The following LRP2 variants were observed in gnomAD, a reference collection of about 807,000 sequenced individuals.
LRP2 encodes LDL receptor related protein 2, also known as low-density lipoprotein receptor-related protein 2.
A neutral mutation model predicts 531.0 loss-of-function variants in LRP2; 172 were observed. The ratio of observed to expected loss-of-function variants is 0.32; its 90% CI spans 0.29 to 0.37. The LOEUF (loss-of-function observed/expected upper bound fraction) is 0.37, where lower values mean the gene tolerates loss of function less well. Among genes scored for constraint, LRP2 ranks in the 10% least tolerant of loss-of-function variants. The pLI, the probability that LRP2 is intolerant of heterozygous loss-of-function variation, is 1.00. For missense variants in LRP2, 5,167 were observed against 5,868.3 expected, an observed-to-expected ratio of 0.88 and a Z score of 3.90; for synonymous variants, 1,992 against 2,027.6, an observed-to-expected ratio of 0.98 and a Z score of 0.47.
At chr2:169,281,675 G>A (rs570833164) in intron 10 of LRP2, among the ~76,000 whole-genome samples, 2 of 151,972 alleles carry the variant, frequency 1.3e-5, no homozygotes, top group South Asian at 2.1e-4. Context: ...CCAAGATGGC[G>A]CCACTGCACT....
At chr2:169,257,054 C>T in intron 18 of LRP2, 70 bp downstream of exon 18, 2 of 1,589,624 alleles carry the variant, frequency 1.3e-6, no homozygotes, top group Non-Finnish European at 1.7e-6. Flanking sequence ...CATCATATCA[C>T]CCAACCTGCC....
At chr2:169,303,462 C>T (rs1481190291) in intron 4 of LRP2, among the ~76,000 whole-genome samples, 1 of 152,052 alleles carries the variant, frequency 6.6e-6, no homozygotes, top group East Asian at 1.9e-4. Flanking sequence ...GGCTGGTGCT[C>T]GGTGACTGGC....
intron 31 of LRP2, among the ~76,000 whole-genome samples, chr2:169,229,339 A>G (rs1025306530): frequency 1.3e-5 from 2 of 152,186 alleles, no homozygotes; most frequent in African/African-American, 2.4e-5. Flanking sequence ...ATGAGAACTC[A>G]GTGTTGTAAT....
chr2:169,188,257 C>T lies in LRP2; in HGVS notation c.9041G>A (p.Arg3014Gln), dbSNP rs763717459. Residue 3014 changes from arginine to glutamine, a missense_variant, in exon 49 of 79, where the codon CGG becomes CAG. Arg to Gln is a conservative substitution (Grantham distance 43). Around this residue, in one of 6 missense-constraint regions of LRP2, gnomAD observed 1,129 missense variants for 1,362.7 expected, o/e 0.83. Coordinates refer to ENST00000649046, the MANE Select transcript of LRP2 (RefSeq NM_004525.3). ...GCTATAGTCACCACAGTCATTGTGC[C>T]GGTCACACCTGTATCATGAGATCCA... ...LCIPKIFRCDRHNDCGDYSDE... is the reference protein window; with the variant it reads ...LCIPKIFRCDQHNDCGDYSDE... The T allele has an allele frequency of 9.3e-6, 15 of 1,614,064 alleles. No individual in the cohort carries two copies. The highest frequency in any genetic ancestry group is 2.7e-5 in the African/African-American group (2 of 75,014).
At chr2:169,216,090 G>GTC (rs1688777732) in intron 35 of LRP2, among the ~76,000 whole-genome samples, 163 bp downstream of exon 35, 1 of 152,054 alleles carries the variant, frequency 6.6e-6, no homozygotes, top group Admixed American at 6.6e-5. Context: ...CTAGGGGCGA[G>GTC]GTACGTGCAA....
chr2:169,168,161 G>T (rs1686858358), intron 61 of LRP2, among the ~76,000 whole-genome samples: 2 of 150,906 alleles, frequency 1.3e-5, no homozygotes, highest in Non-Finnish European at 3.0e-5. Flanking sequence ...AAGCTCTAGG[G>T]GTTTGGAGAG....
In LRP2 at chr2:169,259,082, C is replaced by A. The variant is rs142080405; in HGVS notation, c.2456G>T (p.Arg819Leu). The change falls in exon 17 of 79, where the codon CGC (arginine) becomes CTC (leucine). Residue 819 changes from arginine (R) to leucine (L), a missense_variant. Physicochemically the swap from Arg to Leu is moderately radical, Grantham distance 102. Transcript: ENST00000649046. ...SVMRLADKTR[R>L]TVVQYLNNPR... ...GTTATTTAAATACTGAACTACTGTG[C>A]GTCTCGTTTTATCAGCTAGCCTCAT... is the stretch of plus-strand genomic sequence containing the variant. The A allele has an allele frequency of 4.0e-5, 64 of 1,613,298 alleles. No homozygotes were observed. Among genetic ancestry groups the A allele is most frequent in the South Asian group, 3.8e-4 (35 of 91,052 alleles).
intron 33 of LRP2, among the ~76,000 whole-genome samples, chr2:169,224,242 C>G (rs1689121145): frequency 6.6e-6 from 1 of 152,218 alleles, no homozygotes; most frequent in African/African-American, 2.4e-5. Flanking sequence ...AGTGGATTGT[C>G]AGGGCTCTGC....
At chr2:169,335,062 G>GTC (rs1302187465) in intron 1 of LRP2, among the ~76,000 whole-genome samples, 1 of 152,180 alleles carries the variant, frequency 6.6e-6, no homozygotes, top group Admixed American at 6.5e-5. Flanking sequence ...CACTGGCCCA[G>GTC]TCTTCGGTCA....
chr2:169,202,008 A>C, intron 43 of LRP2, 138 bp from the exon 44 acceptor site: 1 of 1,021,544 alleles, frequency 9.8e-7, no homozygotes, highest in Admixed American at 2.2e-5. Flanking sequence ...GACTGCATGC[A>C]AAGTGAGATA....
rs149851979 is a variant in LRP2 at position 169,348,206 on chromosome 2, C to T, written c.79+14115G>A. Among the ~76,000 whole-genome samples the T allele has an allele frequency of 3.9e-3, 593 of 152,322 alleles. 4 individuals carry two copies. Among genetic ancestry groups the T allele is most frequent in the African/African-American group, 0.014 (563 of 41,578 alleles). ...AGAAAGCACTCAAATAATTTAGTCACTTTTATTGTGGCTTATTTCCCAACT... is the reference window on the plus strand; with the variant it reads ...AGAAAGCACTCAAATAATTTAGTCATTTTTATTGTGGCTTATTTCCCAACT... On this transcript the variant is annotated intron_variant, in intron 1 of 78. Coordinates refer to ENST00000649046, the MANE Select transcript of LRP2 (RefSeq NM_004525.3).
rs1205909600 is a variant in LRP2, at chr2:169,205,644, A to G, written c.7557-7T>C. The G allele has an allele frequency of 2.5e-6, 4 of 1,613,540 alleles. No homozygotes were observed. Among genetic ancestry groups the G allele is most frequent in the Admixed American group, 3.3e-5 (2 of 59,988 alleles). On this transcript the variant is annotated splice_region_variant and splice_polypyrimidine_tract_variant and intron_variant, in intron 40 of 78. Coordinates refer to ENST00000649046, the MANE Select transcript of LRP2 (RefSeq NM_004525.3). ...GTCAGCCCAGTACAGGTACCTAGTC[A>G]TACAAAAGGAGTCAATAATTAATTC...
intron 31 of LRP2, among the ~76,000 whole-genome samples, chr2:169,229,528 T>G (rs551045272): frequency 7.2e-5 from 11 of 152,262 alleles, no homozygotes; most frequent in African/African-American, 2.6e-4. Context: ...TATTTGTATT[T>G]GGAGTAATTT....
chr2:169,245,446 C>A (rs377550399), intron 21 of LRP2, among the ~76,000 whole-genome samples: 9 of 152,168 alleles, frequency 5.9e-5, no homozygotes, highest in African/African-American at 2.2e-4. Flanking sequence ...AGATAATACA[C>A]AAAAAGATGA....
At chr2:169,184,999 G>A (rs757487184) in intron 50 of LRP2, among the ~76,000 whole-genome samples, 1 of 152,032 alleles carries the variant, frequency 6.6e-6, no homozygotes, top group African/African-American at 2.4e-5. Context: ...GGGCTCAAGC[G>A]ATCCTCTCAC....
At chr2:169,312,941 A>G (rs1279574892) in intron 3 of LRP2, among the ~76,000 whole-genome samples, 1 of 152,012 alleles carries the variant, frequency 6.6e-6, no homozygotes, top group Admixed American at 6.6e-5. Flanking sequence ...TTCTCACTTC[A>G]TTTCATTCAT....
chr2:169,244,810 C>A lies in LRP2; in HGVS notation c.3313G>T (p.Ala1105Ser). 1 of 1,614,222 alleles carries A rather than the reference C, an allele frequency of 6.2e-7. No homozygotes were observed. The highest frequency in any genetic ancestry group is 8.5e-7 in the Non-Finnish European group (1 of 1,180,046). The change falls in exon 22 of 79, where the codon GCA becomes TCA. Residue 1105 changes from alanine to serine, a missense_variant. Around this residue, in one of 6 missense-constraint regions of LRP2, gnomAD observed 2,811 missense variants for 3,058.0 expected, o/e 0.92. Coordinates refer to ENST00000649046, the MANE Select transcript of LRP2 (RefSeq NM_004525.3). ...GSDEHNCPTHAPASCLDTQYT... is the reference protein window; with the variant it reads ...GSDEHNCPTHSPASCLDTQYT... ...TGGGTGTCAAGGCAGGAAGCAGGTG[C>A]GTGGGTGGGGCAGTTGTGCTCATCA...
At chr2:169,222,090 G>A (rs922538751) in intron 33 of LRP2, among the ~76,000 whole-genome samples, 1 of 152,168 alleles carries the variant, frequency 6.6e-6, no homozygotes, top group Non-Finnish European at 1.5e-5. Flanking sequence ...TAAACAGAAA[G>A]TGAATACGAT....
chr2:169,188,922 A>G (rs1157621701), intron 48 of LRP2, among the ~76,000 whole-genome samples: 1 of 152,168 alleles, frequency 6.6e-6, no homozygotes, highest in African/African-American at 2.4e-5. Context: ...GTGAGTCTTC[A>G]TGGTGATGTG....
Sources: allele counts gnomAD v4.1 joint callset (sites outside exome capture counted in the v4.1 genomes callset), GRCh38; gene constraint gnomAD v4.1.1; regional missense constraint gnomAD v4.1.1; transcripts MANE v1.5; gene names NCBI Gene and HGNC (gene_info 2026-07-23, HGNC 2026-07-21).